The following LRMDA variants were observed in gnomAD, a reference collection of about 807,000 sequenced individuals.
LRMDA encodes the protein leucine rich melanocyte differentiation associated.
In LRMDA, 18 loss-of-function variants were observed where a neutral mutation model predicts 29.8. That is an observed-to-expected ratio of 0.60 (90% CI 0.42 to 0.90). LRMDA has a LOEUF of 0.90. Ranked by LOEUF, LRMDA falls within the 40% of genes least tolerant of loss-of-function variation. The pLI is 0.00. For missense variants in LRMDA, 273 were observed against 273.9 expected (o/e 1.00, Z 0.02); for synonymous variants, 125 against 109.4 (o/e 1.14, Z -0.89).
chr10:75,983,604 T>C (rs557815928), intron 2 of LRMDA, among the ~76,000 whole-genome samples: 1 of 152,346 alleles, frequency 6.6e-6, no homozygotes, highest in South Asian at 2.1e-4. Context: ...TGTATGTGAA[T>C]AGGTATGTGT....
chr10:76,257,313 A>G (rs1852613556), intron 5 of LRMDA, among the ~76,000 whole-genome samples: 2 of 150,808 alleles, frequency 1.3e-5, no homozygotes, highest in East Asian at 2.0e-4. Context: ...TATGCTAGCT[A>G]TGGCACTGGG....
intron 5 of LRMDA, among the ~76,000 whole-genome samples, chr10:76,175,967 G>A (rs557965645): frequency 2.3e-4 from 35 of 152,286 alleles, no homozygotes; most frequent in African/African-American, 6.7e-4. Context: ...CTGCCATAGC[G>A]ATGTACACTG....
At chr10:76,466,297 C>CA (rs2132312707) in intron 6 of LRMDA, among the ~76,000 whole-genome samples, 1 of 151,552 alleles carries the variant, frequency 6.6e-6, no homozygotes, top group East Asian at 1.9e-4. Context: ...GAGGGGTAGA[C>CA]AAACAGACAG....
At chr10:76,308,225 T>G (rs2132373280) in intron 5 of LRMDA, among the ~76,000 whole-genome samples, 1 of 152,302 alleles carries the variant, frequency 6.6e-6, no homozygotes, top group East Asian at 1.9e-4. Flanking sequence ...AATGGTCCCT[T>G]CAACCTTCTC....
chr10:76,223,561 G>C (rs969958558), intron 5 of LRMDA, among the ~76,000 whole-genome samples: 2 of 152,188 alleles, frequency 1.3e-5, no homozygotes, highest in Admixed American at 1.3e-4. Flanking sequence ...AAGTGATTAA[G>C]TCATGAGGGT....
At chr10:76,406,297 A>G (rs1841900962) in intron 6 of LRMDA, among the ~76,000 whole-genome samples, 1 of 152,212 alleles carries the variant, frequency 6.6e-6, no homozygotes, top group African/African-American at 2.4e-5. Context: ...TTAGATCCCA[A>G]CATGACCCAC....
intron 5 of LRMDA, among the ~76,000 whole-genome samples, chr10:76,279,844 A>G (rs1840181289): frequency 6.6e-6 from 1 of 152,196 alleles, no homozygotes; most frequent in Non-Finnish European, 1.5e-5. Context: ...TGTAATACTC[A>G]TGACACTATG....
At chr10:76,333,729 T>G (rs1001879635) in intron 6 of LRMDA, among the ~76,000 whole-genome samples, 25 of 152,214 alleles carry the variant, frequency 1.6e-4, no homozygotes, top group African/African-American at 5.8e-4. Context: ...AGGATAATGT[T>G]ACAATAATCC....
chr10:75,806,194 A>G (rs1843849148), intron 2 of LRMDA, among the ~76,000 whole-genome samples: 1 of 152,166 alleles, frequency 6.6e-6, no homozygotes, highest in South Asian at 2.1e-4. Context: ...ATCCACGCCT[A>G]TGACCCAAAC....
In LRMDA at chr10:76,407,105, A is replaced by T. The variant is rs534699945; in HGVS notation, c.601+82620A>T. Among the ~76,000 whole-genome samples, 7 of 152,252 alleles carry T rather than the reference A, an allele frequency of 4.6e-5. No homozygotes were observed. In the South Asian group the frequency reaches 1.2e-3, roughly 27 times the overall value. ...GAAGGATGGGAATGTAGGGCTGTGGACTAGGTGTTACGCAGAGATGTGGCA... is the reference window on the plus strand; with the variant it reads ...GAAGGATGGGAATGTAGGGCTGTGGTCTAGGTGTTACGCAGAGATGTGGCA... On this transcript the variant is annotated intron_variant, in intron 6 of 6. Transcript: ENST00000611255.
chr10:75,654,284 C>T (rs1841639253), intron 2 of LRMDA, among the ~76,000 whole-genome samples: 1 of 152,144 alleles, frequency 6.6e-6, no homozygotes, highest in Non-Finnish European at 1.5e-5. Flanking sequence ...CTTACTTGTA[C>T]ATTGGAGACA....
chr10:76,439,008 T>C (rs1842273710), intron 6 of LRMDA, among the ~76,000 whole-genome samples: 1 of 152,132 alleles, frequency 6.6e-6, no homozygotes, highest in Non-Finnish European at 1.5e-5. Context: ...ATGATGAAAA[T>C]TTAAAATAAG....
intron 5 of LRMDA, among the ~76,000 whole-genome samples, chr10:76,116,479 G>A (rs943685561): frequency 1.3e-5 from 2 of 152,052 alleles, no homozygotes; most frequent in African/African-American, 4.8e-5. Context: ...TCCTATTTCC[G>A]GTTTCATATA....
chr10:75,600,970 CA>C (rs1400255793), intron 2 of LRMDA, among the ~76,000 whole-genome samples: 4 of 152,204 alleles, frequency 2.6e-5, no homozygotes, highest in Non-Finnish European at 5.9e-5. Flanking sequence ...AGAGCTGAGC[CA>C]AGGCTGCTTT....
intron 2 of LRMDA, among the ~76,000 whole-genome samples, chr10:75,951,441 A>G (rs112774761): frequency 1.3e-4 from 20 of 152,300 alleles, no homozygotes; most frequent in African/African-American, 4.3e-4. Flanking sequence ...CAGCCCAAGC[A>G]GCTCCTCAGA....
chr10:76,509,702 GCTGT>G (rs1364094568), intron 6 of LRMDA, among the ~76,000 whole-genome samples: 1 of 152,214 alleles, frequency 6.6e-6, no homozygotes, highest in Admixed American at 6.5e-5. Flanking sequence ...GATCTGAGAG[GCTGT>G]CTGTGTGAAG....
chr10:76,357,094 G>A (rs1330962069), intron 6 of LRMDA, among the ~76,000 whole-genome samples: 1 of 152,142 alleles, frequency 6.6e-6, no homozygotes, highest in Non-Finnish European at 1.5e-5. Context: ...GAGAGAAGAG[G>A]AGGCATGGAT....
intron 6 of LRMDA, among the ~76,000 whole-genome samples, chr10:76,484,695 T>C (rs1054103226): frequency 1.3e-5 from 2 of 151,974 alleles, no homozygotes; most frequent in Non-Finnish European, 2.9e-5. Flanking sequence ...TTAGGTTATC[T>C]ATATAGACAA....
At chr10:76,455,592 G>T (rs972269466) in intron 6 of LRMDA, among the ~76,000 whole-genome samples, 4 of 152,048 alleles carry the variant, frequency 2.6e-5, no homozygotes, top group African/African-American at 7.2e-5. Context: ...CAGGCCAAAA[G>T]GTCTGTTCTC....
Sources: gnomAD v4.1 joint callset for allele counts (sites outside exome capture counted in the v4.1 genomes callset) on GRCh38, gnomAD v4.1.1 for gene constraint, MANE v1.5 for transcripts, NCBI Gene and HGNC (gene_info 2026-07-23, HGNC 2026-07-21) for gene names.